The following RNF6 variants were observed in gnomAD, a reference collection of about 807,000 sequenced individuals.
RNF6 encodes E3 ubiquitin-protein ligase RNF6.
RNF6 carries 21 observed loss-of-function variants against 50.1 expected under a neutral mutation model. The observed-to-expected ratio is 0.42, with a 90% confidence interval of 0.30 to 0.60. The LOEUF (loss-of-function observed/expected upper bound fraction) is 0.60. Among genes scored for constraint, RNF6 ranks in the 20% least tolerant of loss-of-function variants. The probability of loss-of-function intolerance (pLI) is 0.20; values close to 1 mark genes in which losing one functional copy is unlikely to be tolerated. For missense variants in RNF6, 698 were observed against 838.2 expected (o/e 0.83, Z 2.07); for synonymous variants, 255 against 291.8 (o/e 0.87, Z 1.29).
At chr13:26,183,065 T>C (rs1010821814) in intron 5 of RNF6, among the ~76,000 whole-genome samples, 4 of 152,202 alleles carry the variant, frequency 2.6e-5, no homozygotes, top group African/African-American at 9.6e-5. Context: ...AGTACAGCCT[T>C]TCCCCCAGTT....
chr13:26,165,786 TATAC>T (rs1166360826), intron 5 of RNF6, among the ~76,000 whole-genome samples: 1 of 152,270 alleles, frequency 6.6e-6, no homozygotes, highest in Non-Finnish European at 1.5e-5. Flanking sequence ...ACCCAATGCC[TATAC>T]TCCCATTGTT....
chr13:26,205,195 GACAATAAGTACATGGAGTACTTGGAGT>G (rs71771342), intron 5 of RNF6, among the ~76,000 whole-genome samples: 30,921 of 151,918 alleles, frequency 0.2, 3,641 homozygotes, highest in East Asian at 0.4. Flanking sequence ...GACATCTTCT[GACAATAAGTACATGGAGTACTTGGAGT>G]ACAATAAGTA....
chr13:26,158,846 A>T (rs1224319442), intron 5 of RNF6, among the ~76,000 whole-genome samples: 1 of 151,932 alleles, frequency 6.6e-6, no homozygotes, highest in Non-Finnish European at 1.5e-5. Flanking sequence ...TTTTTTCCCC[A>T]TTATTCTGAA....
At chr13:26,177,519 C>G (rs1170959932) in intron 5 of RNF6, among the ~76,000 whole-genome samples, 6 of 152,158 alleles carry the variant, frequency 3.9e-5, no homozygotes, top group African/African-American at 1.2e-4. Flanking sequence ...GTGGGAGAGC[C>G]TATCTATAAT....
At chr13:26,151,461 C>G (rs1166556199) in intron 5 of RNF6, among the ~76,000 whole-genome samples, 1 of 152,128 alleles carries the variant, frequency 6.6e-6, no homozygotes, top group Non-Finnish European at 1.5e-5. Flanking sequence ...CAGGGTTTTT[C>G]CATGTTGGCC....
intron 5 of RNF6, among the ~76,000 whole-genome samples, chr13:26,134,377 G>A (rs1452386543): frequency 6.6e-6 from 1 of 152,226 alleles, no homozygotes; most frequent in African/African-American, 2.4e-5. Flanking sequence ...GTGAGCGTGA[G>A]GCCACATTTT....
rs147749224 is a variant in RNF6, at chr13:26,155,475, A to G, written n.769-23024T>C. 1.4e-3 allele frequency among the ~76,000 whole-genome samples: 208 copies of G among 152,328 alleles called. 2 individuals are homozygous for G. The highest frequency in any genetic ancestry group is 4.8e-3 in the African/African-American group (198 of 41,574). On this transcript the variant is annotated intron_variant and non_coding_transcript_variant, in intron 5 of 5. Transcript: ENST00000468480. ...AGTGAAGTGGGGTGGAGGATGGGGC[A>G]ATAATATAGAACAGGGTTCAGGATG...
rs1869774040 is a variant in RNF6 at position 26,215,451 on chromosome 13, T to C, written c.431A>G (p.Asn144Ser). ...WRAVSRTNPN[N>S]GEFRFSLEIH... is the part of the protein sequence containing the mutation. ...TTCCAAACTAAACCGAAACTCTCCATTGTTCGGGTTTGTTCGACTCACAGC... is the reference window on the plus strand; with the variant it reads ...TTCCAAACTAAACCGAAACTCTCCACTGTTCGGGTTTGTTCGACTCACAGC... The change falls in exon 5 of 5, where the codon AAT becomes AGT. Residue 144 changes from asparagine (N) to serine (S), a missense_variant. Physicochemically the swap from Asn to Ser is conservative, Grantham distance 46. Coordinates refer to ENST00000381588, the MANE Select transcript of RNF6 (RefSeq NM_005977.4). 6.2e-7 allele frequency: 1 copy of C among 1,614,226 alleles called. No homozygotes were observed. Among genetic ancestry groups the C allele is most frequent in the Non-Finnish European group, 8.5e-7 (1 of 1,180,038 alleles).
At chr13:26,132,445 G>A (rs868780073) in exon 6 of RNF6, 1 of 459,558 alleles carries the variant, frequency 2.2e-6, no homozygotes, top group South Asian at 1.6e-5. Flanking sequence ...CTTGTATCTG[G>A]CAAAGCCTAC....
intron 4 of RNF6, among the ~76,000 whole-genome samples, chr13:26,216,608 C>T (rs955658076): frequency 2.0e-5 from 3 of 152,138 alleles, no homozygotes; most frequent in African/African-American, 7.2e-5. Context: ...TAATAAAAAG[C>T]ATCAACACAT....
At chr13:26,142,940 CA>C (rs1871035768) in intron 5 of RNF6, among the ~76,000 whole-genome samples, 1 of 151,998 alleles carries the variant, frequency 6.6e-6, no homozygotes, top group South Asian at 2.1e-4. Context: ...AAGAAGAAAA[CA>C]ATACACACAC....
chr13:26,197,543 AT>A (rs1004817081), intron 5 of RNF6, among the ~76,000 whole-genome samples: 16 of 151,476 alleles, frequency 1.1e-4, no homozygotes, highest in Non-Finnish European at 7.4e-5. Context: ...ATTTTTTGAA[AT>A]TTTGTCACTT....
At position 26,214,069 on chromosome 13, in the gene RNF6, C is replaced by A; in HGVS notation, c.1813G>T (p.Gly605Cys). 6.2e-7 allele frequency: 1 copy of A among 1,614,106 alleles called. No homozygotes were observed. The highest frequency in any genetic ancestry group is 8.5e-7 in the Non-Finnish European group (1 of 1,180,030). The change falls in exon 5 of 5, where the codon GGT (glycine) becomes TGT (cysteine). Residue 605 changes from glycine to cysteine, a missense_variant. Physicochemically the swap from Gly to Cys is radical, Grantham distance 159. Coordinates refer to ENST00000381588, the MANE Select transcript of RNF6 (RefSeq NM_005977.4). Reference protein sequence around the residue: ...NESDDDDRIRGLTKEQIDNLS... With the variant: ...NESDDDDRIRCLTKEQIDNLS... ...TTGTCAATCTGCTCTTTGGTTAAAC[C>A]ACGTATTCGATCATCATCATCACTT... is the stretch of plus-strand genomic sequence containing the variant.
At chr13:26,183,835 C>T (rs1197804064) in intron 5 of RNF6, among the ~76,000 whole-genome samples, 6 of 149,176 alleles carry the variant, frequency 4.0e-5, no homozygotes, top group African/African-American at 1.2e-4. Context: ...AAAAAATCTA[C>T]AATATATTCC....
chr13:26,158,106 C>T (rs2900999), intron 5 of RNF6, among the ~76,000 whole-genome samples: 25,221 of 152,132 alleles, frequency 0.17, 2,182 homozygotes, highest in Admixed American at 0.21. Flanking sequence ...TAGACAGAGA[C>T]TCCAGGACTC....
At chr13:26,192,279 A>G (rs530327) in intron 5 of RNF6, among the ~76,000 whole-genome samples, 4,516 of 152,328 alleles carry the variant, frequency 0.03, 183 homozygotes, top group East Asian at 0.17. Flanking sequence ...AAAGAGAACA[A>G]TGGCTAGGAA....
chr13:26,182,747 A>G (rs939064162), intron 5 of RNF6, among the ~76,000 whole-genome samples: 12 of 152,154 alleles, frequency 7.9e-5, no homozygotes, highest in Admixed American at 2.0e-4. Context: ...CAAGGCCACA[A>G]TGAGCCATGA....
intron 5 of RNF6, among the ~76,000 whole-genome samples, chr13:26,177,680 T>G (rs530259214): frequency 8.5e-5 from 13 of 152,342 alleles, no homozygotes; most frequent in African/African-American, 2.9e-4. Context: ...GAAACCTAAG[T>G]ACCACCCTTC....
At chr13:26,151,671 A>ATG (rs1009199753) in intron 5 of RNF6, among the ~76,000 whole-genome samples, 2 of 150,300 alleles carry the variant, frequency 1.3e-5, no homozygotes, top group African/African-American at 4.9e-5. Flanking sequence ...CAAGGGAATA[A>ATG]TGTGTCCTAG....
Sources: allele counts gnomAD v4.1 joint callset (sites outside exome capture counted in the v4.1 genomes callset), GRCh38; gene constraint gnomAD v4.1.1; transcripts MANE v1.5; gene names NCBI Gene and HGNC (gene_info 2026-07-23, HGNC 2026-07-21).